ITGB1: variants seen among roughly 807,000 people sequenced by gnomAD.
ITGB1 encodes the protein integrin subunit beta 1.
Under a neutral mutation model 86.5 loss-of-function variants are expected in ITGB1, and 24 were observed. The observed-to-expected ratio is 0.28, with a 90% CI of 0.20 to 0.39. The LOEUF (loss-of-function observed/expected upper bound fraction) is 0.39, where lower values mean the gene tolerates loss of function less well. Ranked by LOEUF, ITGB1 falls within the 10% of genes least tolerant of loss-of-function variation. The pLI is 1.00. For synonymous variants in ITGB1, 323 were observed against 316.8 expected (o/e 1.02, Z -0.21); for missense variants, 556 against 946.9 (o/e 0.59, Z 5.42).
At chr10:32,919,221 T>C (rs1183106269) in intron 11 of ITGB1, among the ~76,000 whole-genome samples, 5 of 152,182 alleles carry the variant, frequency 3.3e-5, no homozygotes, top group Non-Finnish European at 7.4e-5. Context: ...GGGCTGACAC[T>C]GGATTAAACA....
chr10:32,915,956 C>T (rs2094930192), intron 11 of ITGB1, among the ~76,000 whole-genome samples: 1 of 152,168 alleles, frequency 6.6e-6, no homozygotes, highest in Non-Finnish European at 1.5e-5. Flanking sequence ...CATCAAAAAG[C>T]TTATCCACCA....
At chr10:32,929,355 C>A (rs1035355464) in intron 4 of ITGB1, among the ~76,000 whole-genome samples, 4 of 152,058 alleles carry the variant, frequency 2.6e-5, no homozygotes, top group Non-Finnish European at 4.4e-5. Flanking sequence ...ATTCTCCTGA[C>A]AAGAAAGGTC....
intron 11 of ITGB1, among the ~76,000 whole-genome samples, chr10:32,918,240 T>C (rs1428659385): frequency 2.0e-5 from 3 of 152,106 alleles, no homozygotes; most frequent in African/African-American, 7.2e-5. Flanking sequence ...ATATACCTAA[T>C]GTAAATGACG....
chr10:32,921,432 C>T (rs1160523661), intron 9 of ITGB1, among the ~76,000 whole-genome samples: 1 of 152,120 alleles, frequency 6.6e-6, no homozygotes, highest in Non-Finnish European at 1.5e-5. Flanking sequence ...AAAAGGGAAG[C>T]CTCATATGGT....
chr10:32,921,335 A>G (rs1484223702), intron 9 of ITGB1, among the ~76,000 whole-genome samples: 1 of 152,186 alleles, frequency 6.6e-6, no homozygotes, highest in Non-Finnish European at 1.5e-5. Flanking sequence ...GGAGAATGGG[A>G]AAAGCTGTGG....
At chr10:32,954,078 A>T (rs1194945581) in intron 1 of ITGB1, among the ~76,000 whole-genome samples, 2 of 152,080 alleles carry the variant, frequency 1.3e-5, no homozygotes, top group Non-Finnish European at 2.9e-5. Flanking sequence ...TTGCATGCAC[A>T]GCCTATAGCT....
intron 15 of ITGB1, 46 bp downstream of exon 15, chr10:32,908,322 A>G (rs2094902789): frequency 9.6e-6 from 15 of 1,561,502 alleles, no homozygotes; most frequent in Non-Finnish European, 1.3e-5. Context: ...GGAGTATTAC[A>G]TTTACTTTAT....
intron 11 of ITGB1, 80 bp downstream of exon 11, chr10:32,919,805 T>G: frequency 8.0e-7 from 1 of 1,247,562 alleles, no homozygotes. Context: ...AGAGATATTC[T>G]CTGGATGTCC....
At chr10:32,924,672 G>A (rs757456220) in intron 6 of ITGB1, among the ~76,000 whole-genome samples, 1 of 152,176 alleles carries the variant, frequency 6.6e-6, no homozygotes, top group Non-Finnish European at 1.5e-5. Flanking sequence ...CCCACAACGA[G>A]CTGCTAACAG....
chr10:32,907,170 G>T, intron 15 of ITGB1: 2 of 994,074 alleles, frequency 2.0e-6, no homozygotes, highest in Non-Finnish European at 1.4e-6. Flanking sequence ...AGTTTCTAAT[G>T]ATTTCATCAG....
At chr10:32,924,797 A>T (rs1029929429) in intron 6 of ITGB1, among the ~76,000 whole-genome samples, 2 of 152,226 alleles carry the variant, frequency 1.3e-5, no homozygotes, top group Non-Finnish European at 2.9e-5. Context: ...CACTCTAGTG[A>T]AAAGTCGAAA....
intron 5 of ITGB1, among the ~76,000 whole-genome samples, chr10:32,927,721 G>C (rs940784706): frequency 1.3e-5 from 2 of 150,716 alleles, no homozygotes; most frequent in African/African-American, 4.9e-5. Context: ...TTGAACCCGG[G>C]AAGCGGAGGT....
intron 15 of ITGB1, chr10:32,906,320 T>C (rs1454166630): frequency 5.9e-5 from 9 of 152,464 alleles, no homozygotes; most frequent in African/African-American, 2.2e-4. Flanking sequence ...TGGGGCACAG[T>C]GGCTCACGCC....
At chr10:32,918,851 T>C (rs919004151) in intron 11 of ITGB1, among the ~76,000 whole-genome samples, 3 of 152,210 alleles carry the variant, frequency 2.0e-5, no homozygotes, top group Middle Eastern at 3.2e-3. Context: ...ATACTGTGTA[T>C]ACCACTTAAA....
At chr10:32,913,915 A>G (rs1463182996) in intron 11 of ITGB1, among the ~76,000 whole-genome samples, 2 of 152,160 alleles carry the variant, frequency 1.3e-5, no homozygotes, top group African/African-American at 4.8e-5. Context: ...GCAGCCAGAG[A>G]GAAAGGTTGG....
intron 1 of ITGB1, chr10:32,945,012 T>C: frequency 2.9e-6 from 2 of 695,294 alleles, no homozygotes; most frequent in Non-Finnish European, 5.1e-6. Flanking sequence ...TGAGGAGAAA[T>C]GTGTGTAACT....
chr10:32,947,432 C>CATGTGTGT (rs148694478), intron 1 of ITGB1, among the ~76,000 whole-genome samples: 2 of 137,296 alleles, frequency 1.5e-5, no homozygotes, highest in South Asian at 2.7e-4. Context: ...CACATATAGC[C>CATGTGTGT]GTGTGTGTGT....
intron 1 of ITGB1, among the ~76,000 whole-genome samples, chr10:32,947,441 G>GTGTGTGTGTGTGTGTGTGTGTA (rs2137261249): frequency 6.6e-6 from 1 of 150,824 alleles, no homozygotes; most frequent in African/African-American, 2.4e-5. Context: ...CCGTGTGTGT[G>GTGTGTGTGTGTGTGTGTGTGTA]TGTGTGTGTG....
chr10:32,929,506 TTATAA>T (rs1388885888), intron 4 of ITGB1, among the ~76,000 whole-genome samples: 1 of 152,242 alleles, frequency 6.6e-6, no homozygotes, highest in Non-Finnish European at 1.5e-5. Context: ...AATGTTGCTT[TTATAA>T]TATATTATGT....
Sources: allele counts gnomAD v4.1 joint callset (sites outside exome capture counted in the v4.1 genomes callset), GRCh38; gene constraint gnomAD v4.1.1; transcripts MANE v1.5; gene names NCBI Gene and HGNC (gene_info 2026-07-23, HGNC 2026-07-21).